Variants in PPP3CA observed in about 807,000 individuals in gnomAD.
PPP3CA encodes the protein protein phosphatase 3 catalytic subunit alpha, also known as CAM-PRP catalytic subunit.
PPP3CA carries 14 observed loss-of-function variants against 66.5 expected under a neutral mutation model. The ratio of observed to expected loss-of-function variants is 0.21; its 90% CI spans 0.14 to 0.33. The LOEUF (loss-of-function observed/expected upper bound fraction) is 0.33, where lower values mean the gene tolerates loss of function less well. PPP3CA is among the 10% of genes least tolerant of loss of function. PPP3CA has a pLI of 1.00. For missense variants in PPP3CA, 317 were observed against 639.5 expected (o/e 0.50, Z 5.44); for synonymous variants, 232 against 226.2 (o/e 1.03, Z -0.23).
intron 1 of PPP3CA, among the ~76,000 whole-genome samples, chr4:101,333,299 T>TTTTTTTTTTTTTTTTTTTTTTTTTTTTG (rs1729503972): frequency 8.0e-6 from 1 of 124,898 alleles, no homozygotes. Context: ...TTTTTTTTTT[T>TTTTTTTTTTTTTTTTTTTTTTTTTTTTG]TTTTTTTTTT....
intron 1 of PPP3CA, among the ~76,000 whole-genome samples, chr4:101,246,201 G>A (rs1726474081): frequency 6.6e-6 from 1 of 152,204 alleles, no homozygotes. Flanking sequence ...GGTGCATGTA[G>A]TAGGGACTAA....
chr4:101,206,346 C>G (rs1725129778), intron 1 of PPP3CA, among the ~76,000 whole-genome samples: 1 of 152,156 alleles, frequency 6.6e-6, no homozygotes, highest in Non-Finnish European at 1.5e-5. Context: ...TTAAAGTGAA[C>G]TTGTCAATTT....
chr4:101,084,702 C>T (rs1452170938), intron 6 of PPP3CA, among the ~76,000 whole-genome samples: 2 of 151,604 alleles, frequency 1.3e-5, no homozygotes, highest in South Asian at 4.2e-4. Context: ...AAAAAAGATT[C>T]AGTTCTTTGG....
At chr4:101,182,888 T>C (rs1724287529) in intron 2 of PPP3CA, among the ~76,000 whole-genome samples, 1 of 152,110 alleles carries the variant, frequency 6.6e-6, no homozygotes, top group Non-Finnish European at 1.5e-5. Context: ...AGCTCTCTCT[T>C]TGCCTGCTGC....
intron 1 of PPP3CA, among the ~76,000 whole-genome samples, chr4:101,262,026 T>A (rs1313815653): frequency 6.6e-6 from 1 of 152,040 alleles, no homozygotes; most frequent in East Asian, 1.9e-4. Context: ...AAAAATACAT[T>A]CAATGATTTT....
chr4:101,076,307 CA>C (rs58667608), intron 8 of PPP3CA, among the ~76,000 whole-genome samples: 19,473 of 127,042 alleles, frequency 0.15, 1,495 homozygotes, highest in African/African-American at 0.26. Context: ...GTTAATTCTC[CA>C]AAAAAAAAAA....
intron 6 of PPP3CA, among the ~76,000 whole-genome samples, chr4:101,085,020 T>G: frequency 6.6e-6 from 1 of 152,078 alleles, no homozygotes; most frequent in East Asian, 1.9e-4. Context: ...TCCAGGTAAG[T>G]GTGTGTCAGA....
chr4:101,319,245 A>G (rs1728969121), intron 1 of PPP3CA, among the ~76,000 whole-genome samples: 1 of 151,884 alleles, frequency 6.6e-6, no homozygotes, highest in Admixed American at 6.6e-5. Context: ...TACCCAAAAA[A>G]GAATGAAAGT....
chr4:101,213,708 G>A (rs911546327), intron 1 of PPP3CA, among the ~76,000 whole-genome samples: 5 of 152,104 alleles, frequency 3.3e-5, no homozygotes, highest in Non-Finnish European at 7.4e-5. Flanking sequence ...TAGATTAAGA[G>A]AGTGAAGAAA....
chr4:101,079,672 T>C (rs1729352461), intron 8 of PPP3CA, among the ~76,000 whole-genome samples: 1 of 152,224 alleles, frequency 6.6e-6, no homozygotes, highest in Non-Finnish European at 1.5e-5. Context: ...GCCTATATAA[T>C]ATCCAGACCA....
At chr4:101,300,346 G>A (rs1188098315) in intron 1 of PPP3CA, among the ~76,000 whole-genome samples, 1 of 152,164 alleles carries the variant, frequency 6.6e-6, no homozygotes, top group Non-Finnish European at 1.5e-5. Context: ...ATCAAAAATT[G>A]GCAGTCACAC....
intron 2 of PPP3CA, among the ~76,000 whole-genome samples, chr4:101,175,161 G>A (rs184317457): frequency 2.2e-4 from 33 of 152,256 alleles, no homozygotes; most frequent in East Asian, 1.5e-3. Flanking sequence ...GGAAGAAGAA[G>A]CTGGAATGAC....
intron 2 of PPP3CA, among the ~76,000 whole-genome samples, chr4:101,182,746 C>T (rs548241506): frequency 2.6e-5 from 4 of 152,174 alleles, no homozygotes; most frequent in South Asian, 2.1e-4. Context: ...TAGTGAATTC[C>T]GACGTGTTGT....
chr4:101,122,697 C>CAG (rs1722068209), intron 2 of PPP3CA, among the ~76,000 whole-genome samples: 1 of 152,006 alleles, frequency 6.6e-6, no homozygotes. Context: ...CTGGATTGAA[C>CAG]AGAGAGTATA....
At chr4:101,118,336 T>C (rs919637499) in intron 2 of PPP3CA, among the ~76,000 whole-genome samples, 4 of 152,030 alleles carry the variant, frequency 2.6e-5, no homozygotes, top group Admixed American at 2.6e-4. Flanking sequence ...CTAATCTCTC[T>C]TTATCTGTTT....
intron 9 of PPP3CA, among the ~76,000 whole-genome samples, chr4:101,062,445 G>C (rs763238874): frequency 2.0e-5 from 3 of 151,872 alleles, no homozygotes; most frequent in Non-Finnish European, 2.9e-5. Flanking sequence ...TCATTACTCT[G>C]ATACTTATAG....
chr4:101,124,644 A>G (rs1308184431), intron 2 of PPP3CA, among the ~76,000 whole-genome samples: 1 of 149,846 alleles, frequency 6.7e-6, no homozygotes, highest in Non-Finnish European at 1.5e-5. Context: ...AAAAAGAAAG[A>G]AAGAGAGGGA....
intron 2 of PPP3CA, among the ~76,000 whole-genome samples, chr4:101,136,904 T>C (rs1722641264): frequency 6.6e-6 from 1 of 152,144 alleles, no homozygotes; most frequent in African/African-American, 2.4e-5. Flanking sequence ...ACATACGTGG[T>C]TCCAACAATG....
intron 2 of PPP3CA, among the ~76,000 whole-genome samples, chr4:101,124,701 GAAAGAAAGAAAGAAAGAAAGAA>G (rs1560614304): frequency 6.4e-5 from 6 of 94,444 alleles, no homozygotes; most frequent in African/African-American, 2.7e-4. Flanking sequence ...AAGAAAGAAA[GAAAGAAAGAAAGAAAGAAAGAA>G]AGAGAAAGAA....
Sources: gnomAD v4.1 joint callset for allele counts (sites outside exome capture counted in the v4.1 genomes callset) on GRCh38, gnomAD v4.1.1 for gene constraint, MANE v1.5 for transcripts, NCBI Gene and HGNC (gene_info 2026-07-23, HGNC 2026-07-21) for gene names.